The following KIF5A variants were observed in gnomAD, a reference collection of about 807,000 sequenced individuals.
KIF5A encodes kinesin heavy chain isoform 5A.
KIF5A carries 35 observed loss-of-function variants against 141.3 expected under a neutral mutation model. The observed-to-expected ratio is 0.25, with a 90% confidence interval of 0.19 to 0.33. KIF5A has a LOEUF of 0.33. KIF5A is among the 10% of genes least tolerant of loss of function. The pLI is 1.00. For missense variants in KIF5A, 861 were observed against 1,314.3 expected (o/e 0.66, Z 5.33); for synonymous variants, 448 against 500.2 (o/e 0.90, Z 1.39).
chr12:57,564,457 C>T lies in KIF5A; in HGVS notation c.397-3C>T. 1 of 1,609,242 alleles carries T rather than the reference C, an allele frequency of 6.2e-7. No homozygotes were observed. The highest frequency in any genetic ancestry group is 8.5e-7 in the Non-Finnish European group (1 of 1,175,700). ...TTCACACTCCTTCTTTCTTCTTAAC[C>T]AGGTTTCTTACTTTGAAATTTACCT... On this transcript the variant is annotated splice_region_variant and splice_polypyrimidine_tract_variant and intron_variant, in intron 4 of 28. Coordinates refer to ENST00000455537, the MANE Select transcript of KIF5A (RefSeq NM_004984.4).
intron 6 of KIF5A, among the ~76,000 whole-genome samples, chr12:57,565,558 C>A (rs1455956213): frequency 6.6e-6 from 1 of 151,732 alleles, no homozygotes; most frequent in Non-Finnish European, 1.5e-5. Flanking sequence ...GTGGGAGGAT[C>A]ACTTGAGGAG....
intron 6 of KIF5A, among the ~76,000 whole-genome samples, chr12:57,566,780 G>A (rs772315348): frequency 3.3e-5 from 5 of 151,642 alleles, no homozygotes; most frequent in East Asian, 2.0e-4. Flanking sequence ...GGTGGCTCAA[G>A]CCTGTAATCC....
intron 16 of KIF5A, 32 bp from the exon 17 acceptor site, chr12:57,575,608 T>G: frequency 6.4e-7 from 1 of 1,574,242 alleles, no homozygotes; most frequent in Non-Finnish European, 8.7e-7. Flanking sequence ...CTTTGCTCCA[T>G]CTTCTTCCTC....
In KIF5A at chr12:57,581,248, A is replaced by C; in HGVS notation, c.2755+76A>C. 5.3e-6 allele frequency: 8 copies of C among 1,521,324 alleles called. No homozygotes were observed. The South Asian group carries it at 5.8e-5, about 11-fold the overall frequency. The allele number at this position is 1,521,324 out of a possible 1,614,324, so 94.2% of individuals were successfully genotyped here. A position where few individuals can be genotyped will look rare whatever the true frequency, so the allele number is the denominator to read the frequency against. ...GCAAATTGCTAATTGCCAAGCAACTAGATTATTGCTTCTTACCTACCCCTA... is the reference window on the plus strand; with the variant it reads ...GCAAATTGCTAATTGCCAAGCAACTCGATTATTGCTTCTTACCTACCCCTA... On this transcript the variant is annotated intron_variant, in intron 24 of 28. Coordinates refer to ENST00000455537, the MANE Select transcript of KIF5A (RefSeq NM_004984.4).
intron 1 of KIF5A, among the ~76,000 whole-genome samples, chr12:57,559,249 A>G (rs138602789): frequency 6.6e-6 from 1 of 152,336 alleles, no homozygotes; most frequent in Non-Finnish European, 1.5e-5. Flanking sequence ...GAGGTCATAA[A>G]GCATATGCAT....
intron 15 of KIF5A, among the ~76,000 whole-genome samples, chr12:57,574,626 G>A (rs1474732763): frequency 2.7e-5 from 4 of 146,536 alleles, no homozygotes; most frequent in African/African-American, 1.0e-4. Flanking sequence ...CTGTCGCCCA[G>A]GCTGGAGTCC....
intron 1 of KIF5A, among the ~76,000 whole-genome samples, chr12:57,556,591 A>T (rs1368334848): frequency 6.6e-6 from 1 of 150,830 alleles, no homozygotes; most frequent in Non-Finnish European, 1.5e-5. Context: ...TCTCCATTTT[A>T]ATGCGTCTGT....
rs1656890261 is a variant in KIF5A, at chr12:57,581,350, C to T, written c.2756-65C>T. 9.4e-6 allele frequency: 15 copies of T among 1,602,964 alleles called. No homozygotes were observed. The South Asian group carries it at 1.3e-4, about 14-fold the overall frequency. On this transcript the variant is annotated intron_variant, in intron 24 of 28. Coordinates refer to ENST00000455537, the MANE Select transcript of KIF5A (RefSeq NM_004984.4). ...ACTCAGTTCAACCCCAGCTAAATGA[C>T]CTCAGGGACCAGGGCAAATGCAGGG...
intron 15 of KIF5A, among the ~76,000 whole-genome samples, chr12:57,573,691 T>G (rs1882327678): frequency 6.6e-6 from 1 of 151,842 alleles, no homozygotes; most frequent in Admixed American, 6.6e-5. Context: ...TAGCCGGGTG[T>G]GGTGGCTCAT....
Position 57,578,084 on chromosome 12 carries a change from A to G in KIF5A, c.2433+4A>G. ...CGTCACGACTCGAGTCAAGAAAGTG[A>G]GTGCTGTCCTTGGGGTTTTGTCAGC... On this transcript the variant is annotated splice_donor_region_variant and intron_variant, in intron 22 of 28. Coordinates refer to ENST00000455537, the MANE Select transcript of KIF5A (RefSeq NM_004984.4). The G allele has an allele frequency of 6.2e-7, 1 of 1,613,432 alleles. No homozygotes were observed. The highest frequency in any genetic ancestry group is 8.5e-7 in the Non-Finnish European group (1 of 1,179,366).
chr12:57,576,728 C>T (rs754146977), intron 19 of KIF5A, 33 bp from the exon 20 acceptor site: 3 of 1,489,660 alleles, frequency 2.0e-6, no homozygotes, highest in Admixed American at 3.3e-5. Context: ...ACATCTTTCT[C>T]CCCCATCTCC....
At chr12:57,556,600 G>T (rs1398416518) in intron 1 of KIF5A, among the ~76,000 whole-genome samples, 3 of 151,380 alleles carry the variant, frequency 2.0e-5, no homozygotes. Flanking sequence ...TAATGCGTCT[G>T]TGGAGCCTTC....
In KIF5A at chr12:57,577,713, A is replaced by C; in HGVS notation, c.2301A>C (p.Thr767=). The C allele has an allele frequency of 1.2e-6, 2 of 1,613,456 alleles. No individual in the cohort carries two copies. Among genetic ancestry groups the C allele is most frequent in the Non-Finnish European group, 1.7e-6 (2 of 1,179,432 alleles). The change falls in exon 21 of 29, where the codon ACA becomes ACC. Residue 767 remains threonine, a splice_region_variant and synonymous_variant. Transcript: ENST00000455537. ...HEKSTKLQEL[T]FLYERHEQSK... ...ATTTCCCTTATTTCTCTTGCTACAG[A>C]TTTCTGTACGAGCGACATGAGCAGT... is the stretch of plus-strand genomic sequence containing the variant.
rs1054868757 is a variant in KIF5A at position 57,581,662 on chromosome 12, T to C, written c.2909+94T>C. On this transcript the variant is annotated intron_variant, in intron 25 of 28. Transcript: ENST00000455537. Reference sequence around the variant, plus strand: ...GGGCAGTTATTGGTTGTGGCTTAATTATTTTCCTAAACCCTTTCTCAACTT... The same window carrying C: ...GGGCAGTTATTGGTTGTGGCTTAATCATTTTCCTAAACCCTTTCTCAACTT... 9.6e-6 allele frequency: 14 copies of C among 1,461,596 alleles called. No homozygotes were observed. In the Admixed American group the frequency reaches 1.9e-4, roughly 19 times the overall value. 90.5% of individuals were successfully genotyped at this position (1,461,596 alleles called of 1,614,324 possible).
chr12:57,581,380 A>G, intron 24 of KIF5A, 35 bp from the exon 25 acceptor site: 1 of 1,612,674 alleles, frequency 6.2e-7, no homozygotes, highest in Non-Finnish European at 8.5e-7. Context: ...GCAGGGTCAT[A>G]GCCTCCTCAT....
chr12:57,551,396 A>C (rs1320911400), intron 1 of KIF5A, among the ~76,000 whole-genome samples: 1 of 152,186 alleles, frequency 6.6e-6, no homozygotes, highest in Non-Finnish European at 1.5e-5. Flanking sequence ...TAAATCTGTG[A>C]CTGCAAACCT....
chr12:57,557,555 A>G (rs1408562000), intron 1 of KIF5A, among the ~76,000 whole-genome samples: 1 of 151,846 alleles, frequency 6.6e-6, no homozygotes, highest in Non-Finnish European at 1.5e-5. Context: ...GTATTTTTCC[A>G]GTGTTTTTTC....
Position 57,569,403 on chromosome 12 carries a change from C to A in KIF5A, c.967C>A (p.Arg323=), listed in dbSNP as rs1012819766. The A allele has an allele frequency of 4.3e-6, 7 of 1,613,952 alleles. No homozygotes were observed. The highest frequency in any genetic ancestry group is 3.3e-4 in the Middle Eastern group (2 of 6,062). ...CAAGTCCACCCTGATGTTTGGGCAG[C>A]GGTCAGTGGCAGGGTCCCCAGAGGG... The part of the protein sequence containing the change: ...ETKSTLMFGQ[R]AKTIKNTASV... Residue 323 remains arginine, a splice_region_variant and synonymous_variant, in exon 10 of 29, where the codon CGG becomes AGG. Transcript: ENST00000455537.
At chr12:57,576,027 G>A (rs1465227205) in intron 17 of KIF5A, 60 bp from the exon 18 acceptor site, 15 of 1,530,736 alleles carry the variant, frequency 9.8e-6, no homozygotes, top group African/African-American at 5.5e-5. Flanking sequence ...TGGTCACAAC[G>A]TGAAGTTCTT....
Sources: gnomAD v4.1 joint callset for allele counts (sites outside exome capture counted in the v4.1 genomes callset) on GRCh38, gnomAD v4.1.1 for gene constraint, MANE v1.5 for transcripts, NCBI Gene and HGNC (gene_info 2026-07-23, HGNC 2026-07-21) for gene names.